SNX29: variants seen among roughly 807,000 people sequenced by gnomAD.
SNX29 encodes the protein sorting nexin 29.
In SNX29, 78 loss-of-function variants were observed where a neutral mutation model predicts 102.1. That is an observed-to-expected ratio of 0.76 (90% CI 0.64 to 0.92). The LOEUF (loss-of-function observed/expected upper bound fraction) is 0.92. SNX29 is among the 40% of genes least tolerant of loss of function. SNX29 has a pLI of 0.00. For missense variants in SNX29, 1,280 were observed against 1,061.7 expected (o/e 1.21, Z -2.86); for synonymous variants, 580 against 414.5 (o/e 1.40, Z -4.85).
At chr16:12,406,411 A>G (rs948186250) in intron 18 of SNX29, among the ~76,000 whole-genome samples, 13 of 152,226 alleles carry the variant, frequency 8.5e-5, no homozygotes, top group Admixed American at 2.6e-4. Flanking sequence ...ATCCCCATCT[A>G]CATTCCCGTG....
chr16:12,405,397 C>T (rs983558114), intron 18 of SNX29, among the ~76,000 whole-genome samples: 17 of 152,286 alleles, frequency 1.1e-4, no homozygotes, highest in African/African-American at 1.7e-4. Flanking sequence ...ACTCTCTCCC[C>T]GTCCTTTACG....
At position 12,069,123 on chromosome 16, in the gene SNX29, T is replaced by A. The variant is rs746714149; in HGVS notation, c.1310T>A (p.Leu437His). 1 of 1,613,328 alleles carries A rather than the reference T, an allele frequency of 6.2e-7. No homozygotes were observed. The highest frequency in any genetic ancestry group is 8.5e-7 in the Non-Finnish European group (1 of 1,179,396). The change falls in exon 10 of 21, where the codon CTT becomes CAT. Residue 437 changes from leucine (L) to histidine (H), a missense_variant. Transcript: ENST00000566228. ...PEDHVLPDPG[L>H]RYSVEASSPG... is the part of the protein sequence containing the mutation. ...GACCACGTTCTCCCAGATCCTGGAC[T>A]TCGGTACAGGTTAATATTGAGAAAC...
intron 14 of SNX29, among the ~76,000 whole-genome samples, chr16:12,212,058 C>G (rs2077199226): frequency 6.6e-6 from 1 of 152,026 alleles, no homozygotes; most frequent in African/African-American, 2.4e-5. Flanking sequence ...AGTTTATTCT[C>G]TCAGACGTGT....
intron 16 of SNX29, chr16:12,375,202 C>T (rs1045887899): frequency 6.6e-6 from 1 of 152,132 alleles, no homozygotes; most frequent in African/African-American, 2.4e-5. Flanking sequence ...GTTTTAGCCC[C>T]CATTATTTTG....
intron 13 of SNX29, among the ~76,000 whole-genome samples, chr16:12,165,068 T>A (rs1348821068): frequency 6.6e-6 from 1 of 152,248 alleles, no homozygotes; most frequent in Non-Finnish European, 1.5e-5. Context: ...ATCAAGAGTT[T>A]GTCGTGTTCG....
At chr16:12,537,326 T>G (rs549734034) in intron 20 of SNX29, among the ~76,000 whole-genome samples, 4 of 152,330 alleles carry the variant, frequency 2.6e-5, no homozygotes, top group African/African-American at 9.6e-5. Flanking sequence ...AAGCCAAAGC[T>G]CTGTTAGTAA....
intron 18 of SNX29, among the ~76,000 whole-genome samples, chr16:12,458,853 G>T (rs774398890): frequency 6.6e-6 from 1 of 152,204 alleles, no homozygotes; most frequent in African/African-American, 2.4e-5. Flanking sequence ...AAACTACCCA[G>T]ATACTGGCCC....
At chr16:12,390,116 G>T (rs1422092773) in intron 16 of SNX29, among the ~76,000 whole-genome samples, 1 of 151,872 alleles carries the variant, frequency 6.6e-6, no homozygotes, top group Non-Finnish European at 1.5e-5. Context: ...ATGGCAGAGA[G>T]TTTGGCATGT....
chr16:12,455,797 G>A (rs1456744153), intron 18 of SNX29, among the ~76,000 whole-genome samples: 2 of 152,148 alleles, frequency 1.3e-5, no homozygotes, highest in African/African-American at 4.8e-5. Flanking sequence ...TAGATGAGAT[G>A]TAGGTGGCCC....
intron 2 of SNX29, among the ~76,000 whole-genome samples, chr16:12,002,073 T>C (rs565070325): frequency 6.6e-6 from 1 of 151,988 alleles, no homozygotes; most frequent in Non-Finnish European, 1.5e-5. Flanking sequence ...TTGCTTAACA[T>C]TGTGAATTGA....
At chr16:12,402,944 GTTTGTGGAGTCTGA>G (rs1369106800) in intron 17 of SNX29, among the ~76,000 whole-genome samples, 1 of 152,104 alleles carries the variant, frequency 6.6e-6, no homozygotes, top group Admixed American at 6.5e-5. Context: ...TCCTGAGCTC[GTTTGTGGAGTCTGA>G]TCTTAAAATG....
chr16:12,000,661 C>G (rs985165325), intron 2 of SNX29, among the ~76,000 whole-genome samples: 10 of 152,098 alleles, frequency 6.6e-5, no homozygotes, highest in Non-Finnish European at 1.3e-4. Context: ...GTGGCTGGGA[C>G]TACAGGTGCA....
At chr16:12,543,280 T>TG (rs1221884033) in intron 20 of SNX29, among the ~76,000 whole-genome samples, 1 of 152,166 alleles carries the variant, frequency 6.6e-6, no homozygotes, top group African/African-American at 2.4e-5. Flanking sequence ...CGCATGCATC[T>TG]GGGTCCGTGC....
intron 16 of SNX29, among the ~76,000 whole-genome samples, chr16:12,390,893 A>AG (rs2083506206): frequency 6.7e-6 from 1 of 149,374 alleles, no homozygotes; most frequent in Admixed American, 6.6e-5. Flanking sequence ...AAAAAAAAAA[A>AG]AAGAAAAGAA....
intron 11 of SNX29, among the ~76,000 whole-genome samples, chr16:12,090,921 A>C (rs2052493180): frequency 6.8e-6 from 1 of 147,620 alleles, no homozygotes; most frequent in African/African-American, 2.5e-5. Context: ...AGGCTGAGGC[A>C]GGAGAATCAC....
intron 20 of SNX29, among the ~76,000 whole-genome samples, chr16:12,547,906 G>A (rs565704023): frequency 2.6e-5 from 4 of 152,278 alleles, no homozygotes; most frequent in African/African-American, 9.6e-5. Context: ...TATAGGAGCT[G>A]CTCTTAGGGG....
chr16:12,172,387 C>G (rs923561317), intron 13 of SNX29, among the ~76,000 whole-genome samples: 2 of 152,098 alleles, frequency 1.3e-5, no homozygotes, highest in African/African-American at 4.8e-5. Context: ...TGGGTGGTAC[C>G]TCCAATATCT....
At chr16:12,397,929 A>C (rs192575363) in intron 16 of SNX29, among the ~76,000 whole-genome samples, 17 of 152,218 alleles carry the variant, frequency 1.1e-4, no homozygotes, top group Admixed American at 1.1e-3. Context: ...TCCCCTAGTC[A>C]TCATCTCATG....
chr16:12,566,065 C>G (rs1024299042), intron 20 of SNX29, among the ~76,000 whole-genome samples: 20 of 152,226 alleles, frequency 1.3e-4, no homozygotes, highest in African/African-American at 4.8e-4. Context: ...TGCCCATTGT[C>G]TCTCTAGGCA....
Sources: allele counts gnomAD v4.1 joint callset (sites outside exome capture counted in the v4.1 genomes callset), GRCh38; gene constraint gnomAD v4.1.1; transcripts MANE v1.5; gene names NCBI Gene and HGNC (gene_info 2026-07-23, HGNC 2026-07-21).